ALG6: variants seen among roughly 807,000 people sequenced by gnomAD.
ALG6 encodes dolichyl pyrophosphate Man9GlcNAc2 alpha-1,3-glucosyltransferase.
In ALG6, 46 loss-of-function variants were observed where a neutral mutation model predicts 66.6. The ratio of observed to expected loss-of-function variants is 0.69; its 90% CI spans 0.55 to 0.88. The LOEUF is 0.88. Among genes scored for constraint, ALG6 ranks in the 40% least tolerant of loss-of-function variants. The pLI, the probability that ALG6 is intolerant of heterozygous loss-of-function variation, is 0.00. For synonymous variants in ALG6, 185 were observed against 203.7 expected, an observed-to-expected ratio of 0.91 and a Z score of 0.78; for missense variants, 505 against 586.8, an observed-to-expected ratio of 0.86 and a Z score of 1.44.
chr1:63,414,011 A>G, intron 9 of ALG6, 50 bp from the exon 10 acceptor site: 1 of 1,414,978 alleles, frequency 7.1e-7, no homozygotes, highest in Non-Finnish European at 1.0e-6. Flanking sequence ...ATGGGTTTTA[A>G]TATTTCTTTC....
rs1644658183 is a variant in ALG6 at position 63,433,287 on chromosome 1, G to GC, written c.1327-3533dup. On this transcript the variant is annotated intron_variant, in intron 14 of 14. Coordinates refer to ENST00000263440, the MANE Select transcript of ALG6 (RefSeq NM_013339.4). This position sits in a 1 kb window ranked among gnomAD's most constrained non-coding sequence, Gnocchi z 4.2. ...ATTTTTGAGTACTACATAGAGGATT[G>GC]CCCAAAGTACCCAGATAACAAAGAG... is the stretch of plus-strand genomic sequence containing the variant. 6.6e-6 allele frequency among the ~76,000 whole-genome samples: 1 copy of GC among 152,150 alleles called. No individual in the cohort carries two copies. Among genetic ancestry groups the GC allele is most frequent in the Non-Finnish European group, 1.5e-5 (1 of 68,022 alleles).
At chr1:63,414,174 AT>A in intron 10 of ALG6, 28 bp downstream of exon 10, 2 of 1,446,546 alleles carry the variant, frequency 1.4e-6, no homozygotes, top group Non-Finnish European at 1.9e-6. Context: ...TGTATGTAGT[AT>A]TTTATAAGTT....
chr1:63,398,379 G>A (rs760534661), intron 3 of ALG6, among the ~76,000 whole-genome samples: 6 of 152,182 alleles, frequency 3.9e-5, no homozygotes, highest in South Asian at 2.1e-4. Context: ...CTCATTCTAC[G>A]TACCCTGACC....
At chr1:63,411,475 A>C in intron 8 of ALG6, 144 bp downstream of exon 8, 1 of 726,766 alleles carries the variant, frequency 1.4e-6, no homozygotes, top group Non-Finnish European at 2.2e-6. Flanking sequence ...GGGAAGAGAG[A>C]GATTAAGTCA....
chr1:63,385,221 A>G (rs1226856509), intron 2 of ALG6, among the ~76,000 whole-genome samples: 6 of 88,788 alleles, frequency 6.8e-5, no homozygotes, highest in Middle Eastern at 0.014. Context: ...TTTTTTTGAG[A>G]CAGAGTCTCG....
intron 14 of ALG6, among the ~76,000 whole-genome samples, chr1:63,430,340 TATA>T (rs1644639402): frequency 6.6e-6 from 1 of 152,246 alleles, no homozygotes; most frequent in Non-Finnish European, 1.5e-5. Context: ...GTGTTATGAA[TATA>T]ATAATGCTGT....
At chr1:63,429,690 C>T (rs1263468848) in intron 14 of ALG6, 2 of 152,322 alleles carry the variant, frequency 1.3e-5, no homozygotes, top group African/African-American at 4.8e-5. Flanking sequence ...TGGATTAGGG[C>T]CCCATTCTTA....
chr1:63,384,191 G>A (rs775155673), intron 2 of ALG6, among the ~76,000 whole-genome samples: 5 of 152,174 alleles, frequency 3.3e-5, no homozygotes, highest in African/African-American at 9.7e-5. Context: ...CATTTTACCT[G>A]GGTGAGATGA....
At chr1:63,374,161 G>A (rs1648037020) in intron 2 of ALG6, among the ~76,000 whole-genome samples, 1 of 152,176 alleles carries the variant, frequency 6.6e-6, no homozygotes, top group South Asian at 2.1e-4. Context: ...TCTTATGACT[G>A]TGCTCTGTGG....
chr1:63,425,215 A>G (rs1029394727), intron 12 of ALG6, among the ~76,000 whole-genome samples: 2 of 152,208 alleles, frequency 1.3e-5, no homozygotes, highest in Admixed American at 1.3e-4. Flanking sequence ...GAGAGGAGCA[A>G]TAAAGGCAGG....
At chr1:63,378,864 G>GT (rs34012309) in intron 2 of ALG6, among the ~76,000 whole-genome samples, 28,807 of 130,592 alleles carry the variant, frequency 0.22, 2,989 homozygotes, top group Middle Eastern at 0.33. Context: ...TAATTTGTTT[G>GT]TTTTTTTTTT....
At chr1:63,376,085 G>A (rs1025757981) in intron 2 of ALG6, among the ~76,000 whole-genome samples, 3 of 151,904 alleles carry the variant, frequency 2.0e-5, no homozygotes, top group African/African-American at 4.8e-5. Context: ...GCGTCAATTG[G>A]CAGTTTAGTC....
intron 2 of ALG6, among the ~76,000 whole-genome samples, chr1:63,382,856 T>G (rs1296642930): frequency 6.6e-6 from 1 of 151,820 alleles, no homozygotes; most frequent in Non-Finnish European, 1.5e-5. Context: ...TTTTGTATTT[T>G]TATTAGAGAC....
At chr1:63,405,747 T>A (rs950137527) in intron 5 of ALG6, among the ~76,000 whole-genome samples, 1 of 152,120 alleles carries the variant, frequency 6.6e-6, no homozygotes, top group African/African-American at 2.4e-5. Context: ...TTTAGACAGC[T>A]ATGTTATACA....
intron 2 of ALG6, among the ~76,000 whole-genome samples, chr1:63,377,925 G>T (rs1203092024): frequency 1.3e-5 from 2 of 152,050 alleles, no homozygotes; most frequent in African/African-American, 4.8e-5. Flanking sequence ...ATTTTTAGTA[G>T]ACATAAGGTC....
intron 2 of ALG6, among the ~76,000 whole-genome samples, chr1:63,382,447 C>A (rs1036194310): frequency 6.6e-6 from 1 of 151,592 alleles, no homozygotes; most frequent in Non-Finnish European, 1.5e-5. Flanking sequence ...AAGTGATCTG[C>A]CCGCCTCAGC....
intron 1 of ALG6, among the ~76,000 whole-genome samples, chr1:63,369,429 G>C (rs1647834847): frequency 1.3e-5 from 2 of 152,104 alleles, no homozygotes; most frequent in Non-Finnish European, 2.9e-5. Flanking sequence ...AGGAGTTCAA[G>C]ATCAGCCTGG....
At chr1:63,420,545 A>G (rs546106772) in intron 12 of ALG6, among the ~76,000 whole-genome samples, 90 of 152,192 alleles carry the variant, frequency 5.9e-4, no homozygotes, top group African/African-American at 2.1e-3. Flanking sequence ...TTTTTGGTAA[A>G]TGGTTTTACA....
At chr1:63,393,469 G>A (rs79532350) in intron 2 of ALG6, among the ~76,000 whole-genome samples, 2,709 of 152,244 alleles carry the variant, frequency 0.018, 26 homozygotes, top group Non-Finnish European at 0.029. Flanking sequence ...ATAAAACATG[G>A]GAACTGAAAG....
Sources: allele counts gnomAD v4.1 joint callset (sites outside exome capture counted in the v4.1 genomes callset), GRCh38; gene constraint gnomAD v4.1.1; non-coding constraint Gnocchi (gnomAD v3.1); transcripts MANE v1.5; gene names NCBI Gene and HGNC (gene_info 2026-07-23, HGNC 2026-07-21).